IMPDH2: variants seen among roughly 807,000 people sequenced by gnomAD.
IMPDH2 encodes inosine-5'-monophosphate dehydrogenase 2.
Under a neutral mutation model 57.8 loss-of-function variants are expected in IMPDH2, and 33 were observed. The ratio of observed to expected loss-of-function variants is 0.57; its 90% CI spans 0.43 to 0.76. The LOEUF is 0.76. Among genes scored for constraint, IMPDH2 ranks in the 30% least tolerant of loss-of-function variants. The pLI, the probability that IMPDH2 is intolerant of heterozygous loss-of-function variation, is 0.00. For synonymous variants in IMPDH2, 270 were observed against 241.3 expected, an observed-to-expected ratio of 1.12 and a Z score of -1.10; for missense variants, 446 against 659.1, an observed-to-expected ratio of 0.68 and a Z score of 3.54.
chr3:49,028,030 A>G (rs991860662), intron 4 of IMPDH2, 114 bp from the exon 5 acceptor site: 6 of 873,484 alleles, frequency 6.9e-6, no homozygotes, highest in Non-Finnish European at 1.1e-5. Flanking sequence ...CACAAGACCA[A>G]ATCACACCAA....
In IMPDH2 at chr3:49,026,737, T is replaced by A; in HGVS notation, c.769A>T (p.Lys257Ter). ...TGGGCGAGCAAGTCCAGCCTATACTTGTCATCCTCATGAGTGCCAATGGCT... is the reference window on the plus strand; with the variant it reads ...TGGGCGAGCAAGTCCAGCCTATACTAGTCATCCTCATGAGTGCCAATGGCT... ...GAAIGTHEDD[K>*]YRLDLLAQAG... is the part of the protein sequence containing the mutation. Residue 257 changes from lysine (K) to a stop codon, truncating the protein, a stop_gained, in exon 7 of 14, where the codon AAG becomes TAG. Transcript: ENST00000326739. LOFTEE classifies it high-confidence loss of function. 6.2e-7 allele frequency: 1 copy of A among 1,614,224 alleles called. No homozygotes were observed. The highest frequency in any genetic ancestry group is 8.5e-7 in the Non-Finnish European group (1 of 1,180,044).
In IMPDH2 at chr3:49,029,303, G is replaced by A; in HGVS notation, c.48C>T (p.Asp16=). ...ISGGTSYVPD[D]GLTAQQLFNC... ...TGAAGAGCTGCTGTGCTGTGAGTCC[G>A]TCGTCTGGCACGTAGGACGTGCCCC... The change falls in exon 1 of 14, where the codon GAC becomes GAT. Residue 16 remains aspartate, a synonymous_variant. Transcript: ENST00000326739. 6.2e-7 allele frequency: 1 copy of A among 1,607,760 alleles called. No individual in the cohort carries two copies. Among genetic ancestry groups the A allele is most frequent in the Non-Finnish European group, 8.5e-7 (1 of 1,177,368 alleles).
chr3:49,024,346 T>C lies in IMPDH2; in HGVS notation c.*37A>G, dbSNP rs748657993. The C allele has an allele frequency of 1.5e-5, 24 of 1,612,548 alleles. No individual in the cohort carries two copies. The highest frequency in any genetic ancestry group is 1.6e-4 in the Middle Eastern group (1 of 6,082). ...TCACTTTTTTCTTTCTAAACTTTTA[T>C]TGAAAAAAAAACCGAGGAGGTGTGC... is the stretch of plus-strand genomic sequence containing the variant. On this transcript the variant is annotated 3_prime_UTR_variant, in exon 14 of 14. Coordinates refer to ENST00000326739, the MANE Select transcript of IMPDH2 (RefSeq NM_000884.3).
chr3:49,027,720 A>C lies in IMPDH2; in HGVS notation c.521T>G (p.Phe174Cys), dbSNP rs143297725. 8.7e-6 allele frequency: 14 copies of C among 1,614,140 alleles called. No homozygotes were observed. The South Asian group carries it at 1.4e-4, about 16-fold the overall frequency. ...DFLKEEEHDCFLEEIMTKRED... is the reference protein window; with the variant it reads ...DFLKEEEHDCCLEEIMTKRED... ...GCCAGTGGCACCCACCTCTTCCAAG[A>C]AACAGTCATGTTCCTCCTCTTTGAG... is the stretch of plus-strand genomic sequence containing the variant. Residue 174 changes from phenylalanine to cysteine, a missense_variant, in exon 5 of 14, where the codon TTC becomes TGC. Phe to Cys is a radical substitution (Grantham distance 205). Coordinates refer to ENST00000326739, the MANE Select transcript of IMPDH2 (RefSeq NM_000884.3).
intron 9 of IMPDH2, among the ~76,000 whole-genome samples, chr3:49,025,621 T>C (rs2093195149): frequency 6.6e-6 from 1 of 152,176 alleles, no homozygotes; most frequent in African/African-American, 2.4e-5. Flanking sequence ...GGCCCAGCCC[T>C]TCCTCCCTGA....
chr3:49,028,573 T>C, intron 2 of IMPDH2, 41 bp from the exon 3 acceptor site: 1 of 1,522,248 alleles, frequency 6.6e-7, no homozygotes, highest in African/African-American at 1.4e-5. Context: ...AAGCATCCCT[T>C]ACACCTCAAG....
chr3:49,026,374 T>C lies in IMPDH2; in HGVS notation c.956A>G (p.Asp319Gly), dbSNP rs752303460. ...ACTTCCCATGCCCACCCGCAGGGCA[T>C]CCACACCTGCATCAATGAGGTTCTT... ...QAKNLIDAGVDALRVGMGSGS... is the reference protein window; with the variant it reads ...QAKNLIDAGVGALRVGMGSGS... The change falls in exon 9 of 14, where the codon GAT becomes GGT. Residue 319 changes from aspartate (D) to glycine (G), a missense_variant. Transcript: ENST00000326739. The C allele has an allele frequency of 1.9e-6, 3 of 1,613,794 alleles. No homozygotes were observed. Among genetic ancestry groups the C allele is most frequent in the South Asian group, 2.2e-5 (2 of 90,968 alleles).
intron 9 of IMPDH2, chr3:49,025,502 G>C: frequency 1.8e-6 from 1 of 545,812 alleles, no homozygotes; most frequent in Non-Finnish European, 3.3e-6. Context: ...GCAGTGCCCA[G>C]GGCAGCCTCA....
chr3:49,028,899 T>A, intron 1 of IMPDH2, 93 bp from the exon 2 acceptor site: 1 of 1,004,386 alleles, frequency 1.0e-6, no homozygotes, highest in Non-Finnish European at 1.6e-6. Context: ...GTAACGCATG[T>A]GAGCAGAGAG....
Position 49,027,014 on chromosome 3 carries a change from G to T in IMPDH2, c.565C>A (p.Pro189Thr). 1 of 1,614,046 alleles carries T rather than the reference G, an allele frequency of 6.2e-7. No homozygotes were observed. The highest frequency in any genetic ancestry group is 8.5e-7 in the Non-Finnish European group (1 of 1,179,896). ...MTKREDLVVA[P>T]AGITLKEANE... ...GCCTCCTTCAGTGTGATGCCTGCAG[G>T]GGCTACCACCAAGTCTTCCCTCTTT... Residue 189 changes from proline (P) to threonine (T), a missense_variant, in exon 6 of 14, where the codon CCT (proline) becomes ACT (threonine). Coordinates refer to ENST00000326739, the MANE Select transcript of IMPDH2 (RefSeq NM_000884.3).
chr3:49,024,428 G>A (rs1273684204), intron 13 of IMPDH2, 24 bp from the exon 14 acceptor site: 3 of 1,614,186 alleles, frequency 1.9e-6, no homozygotes, highest in Admixed American at 1.7e-5. Flanking sequence ...GACCACCTGT[G>A]AGGTGAGGGC....
At chr3:49,024,602 G>A in intron 12 of IMPDH2, 24 bp from the exon 13 acceptor site, 4 of 1,614,186 alleles carry the variant, frequency 2.5e-6, no homozygotes, top group Non-Finnish European at 3.4e-6. Context: ...GAGGTCAAAT[G>A]TGGGTAGCTG....
chr3:49,025,534 C>T (rs1017818610), intron 9 of IMPDH2: 25 of 482,390 alleles, frequency 5.2e-5, no homozygotes, highest in African/African-American at 3.3e-4. Context: ...TCTTAGCAGC[C>T]GGGAAAGCCC....
Position 49,024,395 on chromosome 3 carries a change from C to T in IMPDH2, c.1533G>A (p.Lys511=), listed in dbSNP as rs1173167341. 6.2e-7 allele frequency: 1 copy of T among 1,614,086 alleles called. No individual in the cohort carries two copies. Among genetic ancestry groups the T allele is most frequent in the Admixed American group, 1.7e-5 (1 of 60,014 alleles). Residue 511 remains lysine, a synonymous_variant, in exon 14 of 14, where the codon AAG becomes AAA. Transcript: ENST00000326739. ...GGVHSLHSYE[K]RLF ...GCTGGATCCCTTTTCAGAAAAGCCG[C>T]TTCTCATACCTGCAGGCAGAAGGAC...
At position 49,027,945 on chromosome 3, in the gene IMPDH2, G is replaced by T. The variant is rs557107720; in HGVS notation, c.325-29C>A. 6 of 1,533,656 alleles carry T rather than the reference G, an allele frequency of 3.9e-6. No homozygotes were observed. In the East Asian group the frequency reaches 1.1e-4, roughly 29 times the overall value. ...GAAAGGGATGGTGAGAAAGGGCATC[G>T]CATCTTTGAACTACTTTCATCAGGC... On this transcript the variant is annotated intron_variant, in intron 4 of 13. Transcript: ENST00000326739.
chr3:49,024,348 G>T lies in IMPDH2; in HGVS notation c.*35C>A. The T allele has an allele frequency of 6.3e-7, 1 of 1,589,448 alleles. No individual in the cohort carries two copies. The highest frequency in any genetic ancestry group is 8.6e-7 in the Non-Finnish European group (1 of 1,161,086). On this transcript the variant is annotated 3_prime_UTR_variant, in exon 14 of 14. Transcript: ENST00000326739. ...ACTTTTTTCTTTCTAAACTTTTATT[G>T]AAAAAAAAACCGAGGAGGTGTGCTG...
chr3:49,026,095 G>A, intron 9 of IMPDH2: 1 of 653,864 alleles, frequency 1.5e-6, no homozygotes. Flanking sequence ...CCAGAGTTTA[G>A]AGAAGGTGCA....
Position 49,024,941 on chromosome 3 carries a change from A to G in IMPDH2, c.1250T>C (p.Leu417Pro). 1.2e-6 allele frequency: 2 copies of G among 1,614,236 alleles called. No individual in the cohort carries two copies. The highest frequency in any genetic ancestry group is 1.3e-5 in the African/African-American group (1 of 75,060). Reference protein sequence around the residue: ...RLKKYRGMGSLDAMDKHLSSQ... With the variant: ...RLKKYRGMGSPDAMDKHLSSQ... ...GCTGAGGTGCTTGTCCATGGCATCG[A>G]GAGAACCCATACCGCGATATTTCTT... The change falls in exon 11 of 14, where the codon CTC becomes CCC. Residue 417 changes from leucine (L) to proline (P), a missense_variant. By Grantham distance (98) the Leu-to-Pro change is moderately conservative. Transcript: ENST00000326739.
chr3:49,025,714 T>C (rs1174239972), intron 9 of IMPDH2, among the ~76,000 whole-genome samples: 2 of 152,142 alleles, frequency 1.3e-5, no homozygotes, highest in Non-Finnish European at 2.9e-5. Context: ...AGTGGTTGTG[T>C]GGGAGAGCAA....
Sources: gnomAD v4.1 joint callset for allele counts (sites outside exome capture counted in the v4.1 genomes callset) on GRCh38, gnomAD v4.1.1 for gene constraint, MANE v1.5 for transcripts, NCBI Gene and HGNC (gene_info 2026-07-23, HGNC 2026-07-21) for gene names.